Variants in ATP6V1E2 observed in about 807,000 individuals in gnomAD.
ATP6V1E2 encodes ATPase H+ transporting V1 subunit E2.
For synonymous variants in ATP6V1E2, 121 were observed against 104.2 expected (o/e 1.16, Z -0.98); for missense variants, 308 against 273.3 (o/e 1.13, Z -0.90).
At chr2:46,518,778 G>A (rs1666443891) in intron 4 of ATP6V1E2, among the ~76,000 whole-genome samples, 1 of 35,790 alleles carries the variant, frequency 2.8e-5, no homozygotes, top group African/African-American at 9.6e-5. Context: ...GTGTGTGTGT[G>A]TGTGTGTGTG....
At chr2:46,526,113 T>TTTA (rs1034206334) in intron 4 of ATP6V1E2, among the ~76,000 whole-genome samples, 12 of 152,194 alleles carry the variant, frequency 7.9e-5, no homozygotes, top group South Asian at 4.2e-4. Flanking sequence ...GTGTACATTA[T>TTTA]TTATTATTAT....
chr2:46,527,590 C>A (rs887159163), intron 4 of ATP6V1E2, among the ~76,000 whole-genome samples: 4 of 152,032 alleles, frequency 2.6e-5, no homozygotes, highest in African/African-American at 9.7e-5. Context: ...TGGTCTTGAA[C>A]TTTTGGCCTC....
intron 4 of ATP6V1E2, among the ~76,000 whole-genome samples, chr2:46,533,736 G>A (rs1420027462): frequency 2.0e-5 from 3 of 151,910 alleles, no homozygotes; most frequent in Admixed American, 6.6e-5. Flanking sequence ...TGTATTTCTT[G>A]TATTGAAGAT....
chr2:46,511,958 CTA>C lies in ATP6V1E2; in HGVS notation c.*71_*72del. 1 of 1,308,622 alleles carries C rather than the reference CTA, an allele frequency of 7.6e-7. No individual in the cohort carries two copies. The highest frequency in any genetic ancestry group is 1.5e-5 in the South Asian group (1 of 68,924). 81.1% of individuals were successfully genotyped at this position (1,308,622 alleles called of 1,614,324 possible). A position where few individuals can be genotyped will look rare whatever the true frequency, so the allele number is the denominator to read the frequency against. On this transcript the variant is annotated 3_prime_UTR_variant, in exon 5 of 5. Transcript: ENST00000522587. Reference sequence around the variant, plus strand: ...GAGCATCAAAGAGGAGGAAACACTACTAGTTTCCTTTCCCCAAAAAACTTAAA... The same window carrying C: ...GAGCATCAAAGAGGAGGAAACACTACGTTTCCTTTCCCCAAAAAACTTAAA...
intron 4 of ATP6V1E2, among the ~76,000 whole-genome samples, chr2:46,524,457 T>G (rs1309867237): frequency 6.6e-6 from 1 of 152,196 alleles, no homozygotes; most frequent in Non-Finnish European, 1.5e-5. Flanking sequence ...TAAGCAGAAT[T>G]TATCCAAATA....
At chr2:46,540,863 C>T (rs553671467) in intron 2 of ATP6V1E2, among the ~76,000 whole-genome samples, 1 of 152,252 alleles carries the variant, frequency 6.6e-6, no homozygotes, top group African/African-American at 2.4e-5. Context: ...GTCACTGTCA[C>T]CAATGAAGTC....
Position 46,511,975 on chromosome 2 carries a change from A to G in ATP6V1E2, c.*56T>C, listed in dbSNP as rs1687475877. On this transcript the variant is annotated 3_prime_UTR_variant, in exon 5 of 5. Transcript: ENST00000522587. ...AAACACTACTAGTTTCCTTTCCCCAAAAAACTTAAACTTTTATGGTTTAGT... is the reference window on the plus strand; with the variant it reads ...AAACACTACTAGTTTCCTTTCCCCAGAAAACTTAAACTTTTATGGTTTAGT... 6.7e-7 allele frequency: 1 copy of G among 1,495,246 alleles called. No individual in the cohort carries two copies. Among genetic ancestry groups the G allele is most frequent in the Non-Finnish European group, 8.9e-7 (1 of 1,119,032 alleles). The allele number at this position is 1,495,246 out of a possible 1,614,324, so 92.6% of individuals were successfully genotyped here.
At chr2:46,537,895 A>T (rs1055856671) in intron 2 of ATP6V1E2, among the ~76,000 whole-genome samples, 2 of 152,246 alleles carry the variant, frequency 1.3e-5, no homozygotes, top group Non-Finnish European at 2.9e-5. Context: ...TGGTTAGGAA[A>T]CAATCGGAGA....
At chr2:46,517,691 C>T (rs1473612816) in intron 4 of ATP6V1E2, among the ~76,000 whole-genome samples, 2 of 152,154 alleles carry the variant, frequency 1.3e-5, no homozygotes, top group Non-Finnish European at 2.9e-5. Flanking sequence ...CCTGAGTAGA[C>T]ATTTCTCTAA....
chr2:46,535,341 C>T lies in ATP6V1E2; in HGVS notation c.-102+472G>A, dbSNP rs889894711. On this transcript the variant is annotated intron_variant, in intron 4 of 4. Coordinates refer to ENST00000522587, the MANE Select transcript of ATP6V1E2 (RefSeq NM_001318063.2). The surrounding 1 kb of genome is among the most constrained non-coding windows in gnomAD (Gnocchi z 4.4). The stretch of plus-strand genomic sequence containing the variant: ...AGCACATTAATAAAGTGATCTGCTT[C>T]TCCAGTCTCTTCTCAGGAGCCTGGG... 2 of 152,220 alleles carry T rather than the reference C, an allele frequency of 1.3e-5. No individual in the cohort carries two copies. Among genetic ancestry groups the T allele is most frequent in the Non-Finnish European group, 2.9e-5 (2 of 68,036 alleles). 9.4% of individuals were successfully genotyped at this position (152,220 alleles called of 1,614,324 possible). A position where few individuals can be genotyped will look rare whatever the true frequency, so the allele number is the denominator to read the frequency against.
At chr2:46,524,503 T>G (rs1666794623) in intron 4 of ATP6V1E2, among the ~76,000 whole-genome samples, 1 of 152,198 alleles carries the variant, frequency 6.6e-6, no homozygotes, top group Non-Finnish European at 1.5e-5. Flanking sequence ...GAGACCCAAC[T>G]TTAAGCAATG....
At chr2:46,513,140 C>A (rs1687551677) in intron 4 of ATP6V1E2, among the ~76,000 whole-genome samples, 2 of 152,162 alleles carry the variant, frequency 1.3e-5, no homozygotes, top group South Asian at 4.1e-4. Context: ...AAATGGAAAG[C>A]ATATCCACAT....
chr2:46,534,458 T>C (rs1667342027), intron 4 of ATP6V1E2: 1 of 152,242 alleles, frequency 6.6e-6, no homozygotes, highest in Admixed American at 6.5e-5. Context: ...TGTTTTATTT[T>C]AATTTTTTAA....
intron 2 of ATP6V1E2, among the ~76,000 whole-genome samples, chr2:46,540,555 C>G (rs1175753832): frequency 6.7e-6 from 1 of 148,940 alleles, no homozygotes; most frequent in African/African-American, 2.5e-5. Context: ...CTATGGGACG[C>G]TCAGAAACAA....
At chr2:46,519,885 G>A (rs1242885540) in intron 4 of ATP6V1E2, 1 of 152,186 alleles carries the variant, frequency 6.6e-6, no homozygotes, top group Non-Finnish European at 1.5e-5. Context: ...TCACTAAAGT[G>A]GAAACATATT....
chr2:46,512,513 G>A lies in ATP6V1E2; in HGVS notation c.199C>T (p.Gln67Ter). ...YEKKEKQIEQ[Q>*]KKILMSTMRN... ...ATGGTGGACATCAGGATTTTCTTCT[G>A]CTGCTCTATCTGCTTCTCCTTTTTC... Residue 67 changes from glutamine (Q) to a stop codon, truncating the protein, a stop_gained, in exon 5 of 5, where the codon CAG becomes TAG. Transcript: ENST00000522587. LOFTEE classifies it low-confidence loss of function (END_TRUNC). 6.2e-7 allele frequency: 1 copy of A among 1,614,128 alleles called. No homozygotes were observed. Among genetic ancestry groups the A allele is most frequent in the Non-Finnish European group, 8.5e-7 (1 of 1,180,028 alleles).
chr2:46,540,256 G>C (rs1004181425), intron 2 of ATP6V1E2, among the ~76,000 whole-genome samples: 10 of 151,656 alleles, frequency 6.6e-5, no homozygotes, highest in African/African-American at 2.2e-4. Flanking sequence ...ACCCCGCTCT[G>C]CAAAAAAATA....
rs1333317934 is a variant in ATP6V1E2 at position 46,512,140 on chromosome 2, T to G, written c.572A>C (p.Lys191Thr). The G allele has an allele frequency of 3.7e-6, 6 of 1,614,196 alleles. No homozygotes were observed. The highest frequency in any genetic ancestry group is 1.1e-5 in the South Asian group (1 of 91,074). Reference protein sequence around the residue: ...VEVYSGNQRIKVSNTLESRLD... With the variant: ...VEVYSGNQRITVSNTLESRLD... ...TCGGCTTTCCAAGGTATTTGAAACC[T>G]TTATTCTCTGATTGCCACTGTAGAC... Residue 191 changes from lysine to threonine, a missense_variant, in exon 5 of 5, where the codon AAG (lysine) becomes ACG (threonine). By Grantham distance (78) the Lys-to-Thr change is moderately conservative (BLOSUM62 -1). Coordinates refer to ENST00000522587, the MANE Select transcript of ATP6V1E2 (RefSeq NM_001318063.2).
chr2:46,539,307 G>A (rs62134736), intron 2 of ATP6V1E2, among the ~76,000 whole-genome samples: 30,817 of 152,118 alleles, frequency 0.2, 3,794 homozygotes, highest in Admixed American at 0.28. Context: ...TTACATCCTC[G>A]CTCCCAGAAC....
Sources: gnomAD v4.1 joint callset for allele counts (sites outside exome capture counted in the v4.1 genomes callset) on GRCh38, gnomAD v4.1.1 for gene constraint, Gnocchi (gnomAD v3.1) non-coding constraint, MANE v1.5 for transcripts, NCBI Gene and HGNC (gene_info 2026-07-23, HGNC 2026-07-21) for gene names.